GABRB1: variants seen among roughly 807,000 people sequenced by gnomAD.
GABRB1 encodes the protein gamma-aminobutyric acid receptor subunit beta-1.
In GABRB1, 17 loss-of-function variants were observed where a neutral mutation model predicts 51.6. The ratio of observed to expected loss-of-function variants is 0.33; its 90% confidence interval spans 0.23 to 0.49. The LOEUF is 0.49. Ranked by LOEUF, GABRB1 falls within the 20% of genes least tolerant of loss-of-function variation. The pLI is 0.99. For missense variants in GABRB1, 410 were observed against 600.6 expected, an observed-to-expected ratio of 0.68 and a Z score of 3.32; for synonymous variants, 247 against 218.9, an observed-to-expected ratio of 1.13 and a Z score of -1.14.
intron 4 of GABRB1, among the ~76,000 whole-genome samples, chr4:47,298,251 C>CCGG (rs1373038547): frequency 4.6e-5 from 7 of 151,136 alleles, no homozygotes; most frequent in African/African-American, 1.7e-4. Context: ...GGCAATTAGG[C>CCGG]AGAAGGAAAT....
At chr4:47,262,489 A>G (rs1471251145) in intron 4 of GABRB1, among the ~76,000 whole-genome samples, 1 of 152,210 alleles carries the variant, frequency 6.6e-6, no homozygotes, top group African/African-American at 2.4e-5. Context: ...CAAAACCACA[A>G]TGAGACACCA....
intron 4 of GABRB1, among the ~76,000 whole-genome samples, chr4:47,224,266 C>T (rs565350271): frequency 1.1e-3 from 170 of 151,308 alleles, no homozygotes; most frequent in Non-Finnish European, 1.4e-3. Flanking sequence ...TCTCAAAAGG[C>T]TACAGGTGAC....
chr4:47,276,454 C>T (rs1011573820), intron 4 of GABRB1, among the ~76,000 whole-genome samples: 27 of 152,062 alleles, frequency 1.8e-4, no homozygotes, highest in African/African-American at 6.0e-4. Flanking sequence ...AACCTTGAAG[C>T]CTCTCCATCT....
At chr4:47,384,430 G>GA (rs1727711954) in intron 5 of GABRB1, among the ~76,000 whole-genome samples, 1 of 146,186 alleles carries the variant, frequency 6.8e-6, no homozygotes, top group Admixed American at 6.8e-5. Flanking sequence ...AAAAAAAAAA[G>GA]GAAAGAAGGT....
intron 5 of GABRB1, among the ~76,000 whole-genome samples, chr4:47,350,487 C>T (rs1034570713): frequency 5.9e-5 from 9 of 151,672 alleles, no homozygotes; most frequent in Admixed American, 2.0e-4. Flanking sequence ...TACCCTATGC[C>T]TCAATTGCTT....
chr4:47,015,061 C>T (rs1429592631), intron 1 of GABRB1, among the ~76,000 whole-genome samples: 2 of 152,282 alleles, frequency 1.3e-5, no homozygotes, highest in South Asian at 2.1e-4. Context: ...CACACGCCAC[C>T]ACACCCGGCT....
At chr4:47,219,971 T>C (rs1419737456) in intron 4 of GABRB1, among the ~76,000 whole-genome samples, 1 of 152,006 alleles carries the variant, frequency 6.6e-6, no homozygotes, top group East Asian at 1.9e-4. Context: ...ATCAGAAGTT[T>C]AGAATGTTTT....
intron 8 of GABRB1, among the ~76,000 whole-genome samples, chr4:47,408,677 T>C (rs1049444764): frequency 6.6e-6 from 1 of 152,220 alleles, no homozygotes; most frequent in African/African-American, 2.4e-5. Flanking sequence ...CACAGTTAGT[T>C]TGAGGTGTAT....
intron 3 of GABRB1, among the ~76,000 whole-genome samples, chr4:47,079,048 A>G (rs902317243): frequency 6.6e-6 from 1 of 152,210 alleles, no homozygotes; most frequent in Non-Finnish European, 1.5e-5. Context: ...GTCGATGTTC[A>G]TCAGGGATAT....
In GABRB1 at chr4:47,312,739, C is replaced by G. The variant is rs994756836; in HGVS notation, c.462-7388C>G. 2.6e-5 allele frequency among the ~76,000 whole-genome samples: 4 copies of G among 152,214 alleles called. No homozygotes were observed. The South Asian group carries it at 8.3e-4, about 32-fold the overall frequency. ...GGGGTTTAAAACTTGGGAGTTCTTC[C>G]TGATAAAATTCATGATTATAGGAAA... On this transcript the variant is annotated intron_variant, in intron 4 of 8. Transcript: ENST00000295454.
At position 47,344,291 on chromosome 4, in the gene GABRB1, G is replaced by A. The variant is rs74796046; in HGVS notation, c.544+24082G>A. On this transcript the variant is annotated intron_variant, in intron 5 of 8. Transcript: ENST00000295454. ...AATTCTTCCCTGCTGTCTTCTCTGG[G>A]GCAAGTCAACAATTAGTTGTAGAAT... Among the ~76,000 whole-genome samples the A allele has an allele frequency of 1.9e-3, 295 of 152,252 alleles. 2 individuals carry two copies. Among genetic ancestry groups the A allele is most frequent in the Non-Finnish European group, 1.9e-3 (127 of 68,022 alleles).
intron 3 of GABRB1, among the ~76,000 whole-genome samples, chr4:47,098,154 AC>A (rs1714539665): frequency 1.6e-4 from 1 of 6,214 alleles, no homozygotes; most frequent in East Asian, 3.8e-3. Flanking sequence ...TAGTACAAAC[AC>A]ACACACACAC....
intron 1 of GABRB1, among the ~76,000 whole-genome samples, chr4:47,009,054 C>T (rs749172021): frequency 2.7e-5 from 4 of 147,494 alleles, no homozygotes; most frequent in East Asian, 2.0e-4. Flanking sequence ...TTAGTAGAGA[C>T]GGGGTTTCAC....
At chr4:47,350,849 C>T (rs546895635) in intron 5 of GABRB1, among the ~76,000 whole-genome samples, 71 of 152,240 alleles carry the variant, frequency 4.7e-4, no homozygotes, top group African/African-American at 1.7e-3. Flanking sequence ...GAACACTTAA[C>T]TTTCACATGA....
At chr4:47,315,378 T>C (rs1392114770) in intron 4 of GABRB1, among the ~76,000 whole-genome samples, 1 of 151,646 alleles carries the variant, frequency 6.6e-6, no homozygotes. Flanking sequence ...AGTAAAAAAA[T>C]ATGAGATGCT....
At chr4:47,365,684 G>C (rs1164817425) in intron 5 of GABRB1, among the ~76,000 whole-genome samples, 2 of 152,246 alleles carry the variant, frequency 1.3e-5, no homozygotes, top group Non-Finnish European at 2.9e-5. Context: ...GAGATTAAAG[G>C]ATAAGAGGAA....
chr4:47,130,751 A>C (rs1299604655), intron 3 of GABRB1, among the ~76,000 whole-genome samples: 2 of 152,198 alleles, frequency 1.3e-5, no homozygotes, highest in Non-Finnish European at 2.9e-5. Flanking sequence ...CATAACCTCC[A>C]AGCACCAAAA....
intron 3 of GABRB1, among the ~76,000 whole-genome samples, chr4:47,154,077 C>T (rs979323517): frequency 6.6e-6 from 1 of 151,880 alleles, no homozygotes; most frequent in African/African-American, 2.4e-5. Context: ...CTGAAGGATA[C>T]AGTGATGAAT....
At chr4:47,296,328 G>A (rs1723991482) in intron 4 of GABRB1, among the ~76,000 whole-genome samples, 2 of 152,244 alleles carry the variant, frequency 1.3e-5, no homozygotes, top group South Asian at 4.2e-4. Flanking sequence ...TGGATAAAGA[G>A]TCAAGACCCA....
Sources: gnomAD v4.1 joint callset for allele counts (sites outside exome capture counted in the v4.1 genomes callset) on GRCh38, gnomAD v4.1.1 for gene constraint, MANE v1.5 for transcripts, NCBI Gene and HGNC (gene_info 2026-07-23, HGNC 2026-07-21) for gene names.